GRAMD2B: variants seen among roughly 807,000 people sequenced by gnomAD.
GRAMD2B encodes the protein GRAM domain-containing protein 2B.
GRAMD2B carries 41 observed loss-of-function variants against 59.2 expected under a neutral mutation model. The observed-to-expected ratio is 0.69, with a 90% CI of 0.54 to 0.90. The LOEUF is 0.90. GRAMD2B is among the 40% of genes least tolerant of loss of function. The probability of loss-of-function intolerance (pLI) is 0.00; values close to 1 mark genes in which losing one functional copy is unlikely to be tolerated. For missense variants in GRAMD2B, 424 were observed against 500.5 expected, an observed-to-expected ratio of 0.85 and a Z score of 1.46; for synonymous variants, 161 against 182.7, an observed-to-expected ratio of 0.88 and a Z score of 0.96.
chr5:126,366,360 C>T (rs773606500), upstream of GRAMD2B, among the ~76,000 whole-genome samples: 3 of 152,178 alleles, frequency 2.0e-5, no homozygotes, highest in Admixed American at 6.5e-5. Context: ...CCACAAACCA[C>T]GTGCAAACAC....
At chr5:126,447,824 A>G (rs1296768044) in intron 1 of GRAMD2B, among the ~76,000 whole-genome samples, 1 of 152,138 alleles carries the variant, frequency 6.6e-6, no homozygotes, top group Non-Finnish European at 1.5e-5. Flanking sequence ...ATATGGTCAA[A>G]GCAGGGCAAA....
chr5:126,487,283 A>C (rs1773120230), intron 12 of GRAMD2B, among the ~76,000 whole-genome samples: 1 of 152,200 alleles, frequency 6.6e-6, no homozygotes, highest in African/African-American at 2.4e-5. Flanking sequence ...AAACTACACA[A>C]GTTTACCTTA....
At chr5:126,432,672 A>C in intron 1 of GRAMD2B, among the ~76,000 whole-genome samples, 1 of 152,168 alleles carries the variant, frequency 6.6e-6, no homozygotes, top group East Asian at 1.9e-4. Context: ...AAGAGCCTAC[A>C]TTTATTGTTA....
At chr5:126,465,241 C>T (rs1240109266) in intron 1 of GRAMD2B, 185 bp from the exon 2 acceptor site, 23 of 1,437,682 alleles carry the variant, frequency 1.6e-5, no homozygotes, top group African/African-American at 4.3e-5. Context: ...CAGCTACTGC[C>T]GTTGGGACAC....
chr5:126,476,447 T>C (rs993375158), intron 5 of GRAMD2B, among the ~76,000 whole-genome samples: 4 of 152,212 alleles, frequency 2.6e-5, no homozygotes, highest in African/African-American at 9.6e-5. Flanking sequence ...TTTTCAGGGA[T>C]TGAAGTGATG....
At position 126,493,090 on chromosome 5, in the gene GRAMD2B, G is replaced by T; in HGVS notation, c.*134G>T. 1.5e-6 allele frequency: 1 copy of T among 658,498 alleles called. No individual in the cohort carries two copies. Among genetic ancestry groups the T allele is most frequent in the Non-Finnish European group, 2.7e-6 (1 of 364,720 alleles). The allele number at this position is 658,498 out of a possible 1,614,324, so 40.8% of individuals were successfully genotyped here. ...TGAGAATCCAGACATTGCATGTGGA[G>T]GTCTCCAGCTCAGGAAAGTGAGGAG... On this transcript the variant is annotated 3_prime_UTR_variant, in exon 14 of 14. Coordinates refer to ENST00000285689, the MANE Select transcript of GRAMD2B (RefSeq NM_023927.4).
intron 8 of GRAMD2B, among the ~76,000 whole-genome samples, chr5:126,481,557 G>T (rs1945476630): frequency 6.6e-6 from 1 of 152,156 alleles, no homozygotes; most frequent in Non-Finnish European, 1.5e-5. Context: ...GTACAAGAAT[G>T]TTAATAGCAT....
chr5:126,390,922 G>A (rs1756672173), intron 1 of GRAMD2B, among the ~76,000 whole-genome samples: 1 of 152,048 alleles, frequency 6.6e-6, no homozygotes, highest in African/African-American at 2.4e-5. Context: ...TAAAAGAGTT[G>A]GACTCTACAT....
At position 126,484,213 on chromosome 5, in the gene GRAMD2B, C is replaced by T. The variant is rs369700662; in HGVS notation, c.848-189C>T. On this transcript the variant is annotated intron_variant, in intron 9 of 13. Coordinates refer to ENST00000285689, the MANE Select transcript of GRAMD2B (RefSeq NM_023927.4). Reference sequence around the variant, plus strand: ...GTTGGTTGGAAAATGAAAGACTATCCTTATATCACTTTATTACTTATTTGC... The same window carrying T: ...GTTGGTTGGAAAATGAAAGACTATCTTTATATCACTTTATTACTTATTTGC... 2.6e-5 allele frequency among the ~76,000 whole-genome samples: 4 copies of T among 152,278 alleles called. No homozygotes were observed. The East Asian group carries it at 7.7e-4, about 29-fold the overall frequency.
At chr5:126,459,291 T>C (rs1766922321) in intron 1 of GRAMD2B, among the ~76,000 whole-genome samples, 1 of 152,230 alleles carries the variant, frequency 6.6e-6, no homozygotes, top group Non-Finnish European at 1.5e-5. Context: ...TAACTTTTTT[T>C]TGAAATGGGG....
At position 126,493,059 on chromosome 5, in the gene GRAMD2B, A is replaced by G. The variant is rs1039806675; in HGVS notation, c.*103A>G. The G allele has an allele frequency of 1.5e-5, 12 of 800,658 alleles. No individual in the cohort carries two copies. Among genetic ancestry groups the G allele is most frequent in the Non-Finnish European group, 1.7e-5 (8 of 467,130 alleles). 49.6% of individuals were successfully genotyped at this position (800,658 alleles called of 1,614,324 possible). A position where few individuals can be genotyped will look rare whatever the true frequency, so the allele number is the denominator to read the frequency against. On this transcript the variant is annotated 3_prime_UTR_variant, in exon 14 of 14. Transcript: ENST00000285689. ...GTGCACCCTGCTGGTCAGAGGTGCAAGCAGATGAGAATCCAGACATTGCAT... is the reference window on the plus strand; with the variant it reads ...GTGCACCCTGCTGGTCAGAGGTGCAGGCAGATGAGAATCCAGACATTGCAT...
At chr5:126,472,806 T>C (rs1473097628) in intron 4 of GRAMD2B, among the ~76,000 whole-genome samples, 2 of 152,214 alleles carry the variant, frequency 1.3e-5, no homozygotes, top group African/African-American at 2.4e-5. Context: ...CTAGCCTCTC[T>C]TGATGTGCAA....
At chr5:126,391,018 T>G (rs1561471365) in intron 1 of GRAMD2B, among the ~76,000 whole-genome samples, 1 of 152,006 alleles carries the variant, frequency 6.6e-6, no homozygotes, top group Non-Finnish European at 1.5e-5. Flanking sequence ...TAGTAACAGA[T>G]TGGGCTTAAA....
chr5:126,445,794 T>TAGAAGA (rs1267327214), intron 1 of GRAMD2B, among the ~76,000 whole-genome samples: 1 of 152,172 alleles, frequency 6.6e-6, no homozygotes, highest in African/African-American at 2.4e-5. Context: ...TTCGTGTCAT[T>TAGAAGA]GGGAATCTCT....
At chr5:126,426,933 A>T (rs56165641) in intron 1 of GRAMD2B, among the ~76,000 whole-genome samples, 5,022 of 152,254 alleles carry the variant, frequency 0.033, 291 homozygotes, top group African/African-American at 0.11. Flanking sequence ...TCCCTTTCTG[A>T]CCAAGAATAA....
chr5:126,388,281 G>C (rs1354210323), intron 1 of GRAMD2B, among the ~76,000 whole-genome samples: 1 of 152,066 alleles, frequency 6.6e-6, no homozygotes, highest in African/African-American at 2.4e-5. Flanking sequence ...GTTGAGGCAG[G>C]AGTATCTCTT....
At chr5:126,371,475 G>T in exon 1 of GRAMD2B, 1 of 1,289,232 alleles carries the variant, frequency 7.8e-7, no homozygotes, top group African/African-American at 1.5e-5. Context: ...CTAGTGACAC[G>T]GTGTTCCGGT....
At chr5:126,457,915 T>G (rs1017592273) in intron 1 of GRAMD2B, among the ~76,000 whole-genome samples, 1 of 152,118 alleles carries the variant, frequency 6.6e-6, no homozygotes, top group African/African-American at 2.4e-5. Context: ...CTCCATAACA[T>G]TGTGATTCTT....
intron 1 of GRAMD2B, among the ~76,000 whole-genome samples, chr5:126,416,880 T>G (rs1236163081): frequency 6.6e-6 from 1 of 152,168 alleles, no homozygotes; most frequent in Non-Finnish European, 1.5e-5. Flanking sequence ...TCTATCCATT[T>G]CTATTTTATT....
Sources: allele counts gnomAD v4.1 joint callset (sites outside exome capture counted in the v4.1 genomes callset), GRCh38; gene constraint gnomAD v4.1.1; transcripts MANE v1.5; gene names NCBI Gene and HGNC (gene_info 2026-07-23, HGNC 2026-07-21).